ESD: variants seen among roughly 807,000 people sequenced by gnomAD.
ESD encodes the protein esterase D.
Under a neutral mutation model 38.1 loss-of-function variants are expected in ESD, and 34 were observed. The ratio of observed to expected loss-of-function variants is 0.89; its 90% CI spans 0.68 to 1.19. ESD has a LOEUF of 1.19. ESD is among the 50% of genes most tolerant of loss of function. The pLI is 0.00. For synonymous variants in ESD, 97 were observed against 107.0 expected (o/e 0.91, Z 0.58); for missense variants, 334 against 327.2 (o/e 1.02, Z -0.16).
chr13:46,780,765 A>G (rs895491574), intron 7 of ESD, among the ~76,000 whole-genome samples: 1 of 151,770 alleles, frequency 6.6e-6, no homozygotes, highest in East Asian at 1.9e-4. Flanking sequence ...ACAGAAAGAA[A>G]CTGTTATGAG....
At chr13:46,777,752 A>T in intron 8 of ESD, 129 bp from the exon 9 acceptor site, 1 of 670,726 alleles carries the variant, frequency 1.5e-6, no homozygotes, top group Non-Finnish European at 2.2e-6. Context: ...TATGCTTTTA[A>T]GTTGGTTCAA....
At chr13:46,785,926 G>A (rs1302115377) in intron 4 of ESD, among the ~76,000 whole-genome samples, 1 of 151,904 alleles carries the variant, frequency 6.6e-6, no homozygotes, top group Non-Finnish European at 1.5e-5. Context: ...AAAAACAACA[G>A]GAGAAAAAAC....
intron 1 of ESD, among the ~76,000 whole-genome samples, chr13:46,795,359 A>G (rs1050697362): frequency 6.6e-6 from 1 of 152,198 alleles, no homozygotes; most frequent in Non-Finnish European, 1.5e-5. Context: ...AGTCATTTTT[A>G]TTTAGTATTT....
chr13:46,771,411 T>G lies in ESD; in HGVS notation c.*5A>C, dbSNP rs749836646. 3 of 1,578,928 alleles carry G rather than the reference T, an allele frequency of 1.9e-6. No individual in the cohort carries two copies. In the Admixed American group the frequency reaches 5.1e-5, roughly 27 times the overall value. ...CCTGAAGAGATTCTCTTATTTGGAG[T>G]TTTTTCATGCATTCAGGTATTTAGC... On this transcript the variant is annotated 3_prime_UTR_variant, in exon 10 of 10. Transcript: ENST00000378720.
intron 3 of ESD, 40 bp downstream of exon 3, chr13:46,791,306 C>G: frequency 1.4e-6 from 2 of 1,411,080 alleles, no homozygotes; most frequent in East Asian, 2.3e-5. Context: ...AATAATCCAA[C>G]AGAATGAGGT....
chr13:46,782,138 G>A (rs1021645075), intron 6 of ESD, among the ~76,000 whole-genome samples: 3 of 151,534 alleles, frequency 2.0e-5, no homozygotes, highest in African/African-American at 4.8e-5. Context: ...TTAGAATTAC[G>A]TGAAAACTAG....
chr13:46,791,214 C>A (rs1427858800), intron 3 of ESD, 132 bp downstream of exon 3: 2 of 639,270 alleles, frequency 3.1e-6, no homozygotes, highest in South Asian at 2.2e-5. Context: ...AAATACATAA[C>A]CACAGAAAGA....
rs1486223866 is a variant in ESD at position 46,787,011 on chromosome 13, T to C, written c.157+10A>G. On this transcript the variant is annotated intron_variant, in intron 4 of 9. Coordinates refer to ENST00000378720, the MANE Select transcript of ESD (RefSeq NM_001984.2). Reference sequence around the variant, plus strand: ...AACGACTTTATAAAACTCAAATGCATAATACTTACCTGAGAGCCAATACAG... The same window carrying C: ...AACGACTTTATAAAACTCAAATGCACAATACTTACCTGAGAGCCAATACAG... 1 of 1,457,208 alleles carries C rather than the reference T, an allele frequency of 6.9e-7. No individual in the cohort carries two copies. 90.3% of individuals were successfully genotyped at this position (1,457,208 alleles called of 1,614,324 possible).
chr13:46,777,426 T>G, intron 9 of ESD, 30 bp downstream of exon 9: 1 of 1,540,376 alleles, frequency 6.5e-7, no homozygotes, highest in Non-Finnish European at 8.8e-7. Flanking sequence ...TTACATTATC[T>G]AGATCAAGCT....
At position 46,775,532 on chromosome 13, in the gene ESD, C is replaced by T. The variant is rs557550002; in HGVS notation, c.768+1924G>A. The T allele has an allele frequency of 9.5e-4, 384 of 405,406 alleles. 4 individuals are homozygous for T. Among genetic ancestry groups the T allele is most frequent in the South Asian group, 6.8e-3 (355 of 52,486 alleles). The allele number at this position is 405,406 out of a possible 1,614,324, so 25.1% of individuals were successfully genotyped here. On this transcript the variant is annotated intron_variant, in intron 9 of 9. Transcript: ENST00000378720. ...AAATGATAAAGCAGGTGATAAAACTCGCAGACCCAGGGTAATCTTGGGTCA... is the reference window on the plus strand; with the variant it reads ...AAATGATAAAGCAGGTGATAAAACTTGCAGACCCAGGGTAATCTTGGGTCA...
chr13:46,785,569 T>C (rs1007036986), intron 4 of ESD: 1 of 152,064 alleles, frequency 6.6e-6, no homozygotes, highest in Admixed American at 6.6e-5. Flanking sequence ...TGTCATTGTT[T>C]TCCTTAGACT....
In ESD at chr13:46,780,002, G is replaced by C; in HGVS notation, c.533C>G (p.Pro178Arg). The change falls in exon 8 of 10, where the codon CCT (proline) becomes CGT (arginine). Residue 178 changes from proline (P) to arginine (R), a missense_variant. Pro to Arg is a moderately radical substitution (Grantham distance 103). Coordinates refer to ENST00000378720, the MANE Select transcript of ESD (RefSeq NM_001984.2). ...TTTTTTGCCCCAGGGACAGAGTACA[G>C]GGTTGCAAATTGGAGCAAATGCTGA... The part of the protein sequence containing the change: ...SVSAFAPICN[P>R]VLCPWGKKAF... 6.2e-7 allele frequency: 1 copy of C among 1,602,012 alleles called. No homozygotes were observed. The highest frequency in any genetic ancestry group is 1.3e-5 in the African/African-American group (1 of 74,320).
intron 3 of ESD, among the ~76,000 whole-genome samples, chr13:46,787,456 C>T (rs572997831): frequency 6.6e-6 from 1 of 152,016 alleles, no homozygotes; most frequent in Admixed American, 6.6e-5. Flanking sequence ...AATCATCTTT[C>T]ATAAAAAAAT....
chr13:46,788,054 G>A (rs905646024), intron 3 of ESD, among the ~76,000 whole-genome samples: 10 of 151,706 alleles, frequency 6.6e-5, no homozygotes, highest in Admixed American at 3.3e-4. Context: ...TTCCACTATC[G>A]TATCACATAT....
chr13:46,781,440 C>G, intron 7 of ESD, 56 bp downstream of exon 7: 1 of 1,454,366 alleles, frequency 6.9e-7, no homozygotes, highest in Non-Finnish European at 9.4e-7. Context: ...TTGAAGGTTC[C>G]TAATATTATG....
At chr13:46,771,925 A>C (rs1271889081) in intron 9 of ESD, among the ~76,000 whole-genome samples, 1 of 152,112 alleles carries the variant, frequency 6.6e-6, no homozygotes, top group African/African-American at 2.4e-5. Context: ...ATCAACCAAG[A>C]TGAAAAGAAT....
intron 2 of ESD, 57 bp from the exon 3 acceptor site, chr13:46,791,477 A>T: frequency 7.9e-7 from 1 of 1,267,398 alleles, no homozygotes; most frequent in Non-Finnish European, 1.1e-6. Flanking sequence ...GAAAAACTTG[A>T]AACAAAACTA....
chr13:46,788,730 C>A (rs895600459), intron 3 of ESD, among the ~76,000 whole-genome samples: 1 of 150,756 alleles, frequency 6.6e-6, no homozygotes, highest in Admixed American at 6.6e-5. Context: ...AAACCTCTGT[C>A]CCTATCATGT....
chr13:46,777,139 C>A (rs752926750), intron 9 of ESD: 22 of 172,324 alleles, frequency 1.3e-4, no homozygotes, highest in Non-Finnish European at 2.1e-4. Context: ...TCTACTGCAG[C>A]AAAGGTCCAT....
Sources: allele counts gnomAD v4.1 joint callset (sites outside exome capture counted in the v4.1 genomes callset), GRCh38; gene constraint gnomAD v4.1.1; transcripts MANE v1.5; gene names NCBI Gene and HGNC (gene_info 2026-07-23, HGNC 2026-07-21).